Variants in FAM200B observed in about 807,000 individuals in gnomAD.
FAM200B encodes protein FAM200B.
In FAM200B, 32 loss-of-function variants were observed where a neutral mutation model predicts 33.1. That is an observed-to-expected ratio of 0.97 (90% CI 0.73 to 1.30). The LOEUF is 1.30. Ranked by LOEUF, FAM200B falls within the 50% of genes most tolerant of loss-of-function variation. The pLI is 0.00. For synonymous variants in FAM200B, 240 were observed against 264.8 expected, an observed-to-expected ratio of 0.91 and a Z score of 0.91; for missense variants, 741 against 754.0, an observed-to-expected ratio of 0.98 and a Z score of 0.20.
At chr4:15,685,544 T>C (rs1718756799) in intron 1 of FAM200B, among the ~76,000 whole-genome samples, 1 of 152,028 alleles carries the variant, frequency 6.6e-6, no homozygotes, top group Admixed American at 6.6e-5. Context: ...GATGTCTGTG[T>C]TGGGAGTTGG....
chr4:15,644,888 T>C, the FAM200B span, among the ~76,000 whole-genome samples: 1 of 152,222 alleles, frequency 6.6e-6, no homozygotes, highest in South Asian at 2.1e-4. Flanking sequence ...AAAAGTGCAC[T>C]AGGCCAGGAA....
chr4:15,656,013 C>G, the FAM200B span, among the ~76,000 whole-genome samples: 16,920 of 152,206 alleles, frequency 0.11, 986 homozygotes, highest in Non-Finnish European at 0.13. Context: ...AGAGAGTTCT[C>G]GTGAAATTCG....
chr4:15,679,061 CTATTT>C (rs1403858424), upstream of FAM200B, among the ~76,000 whole-genome samples: 194 of 142,292 alleles, frequency 1.4e-3, no homozygotes, highest in African/African-American at 4.7e-3. Context: ...ACTAAAATCT[CTATTT>C]TTTTTTTTTT....
At chr4:15,650,312 T>C in the FAM200B span, among the ~76,000 whole-genome samples, 2 of 152,238 alleles carry the variant, frequency 1.3e-5, no homozygotes, top group African/African-American at 4.8e-5. Flanking sequence ...GTATGAAATA[T>C]AGTGCAATCC....
At chr4:15,662,566 G>A in the FAM200B span, among the ~76,000 whole-genome samples, 15 of 152,124 alleles carry the variant, frequency 9.9e-5, no homozygotes, top group Non-Finnish European at 1.8e-4. Context: ...CCTTGAAAAG[G>A]TCAAGCTTAG....
At chr4:15,655,300 A>AGCCTCC in the FAM200B span, 12 of 1,395,000 alleles carry the variant, frequency 8.6e-6, no homozygotes, top group East Asian at 2.0e-4. Flanking sequence ...CCACTGCCTC[A>AGCCTCC]GCCTCCGCCT....
the FAM200B span, among the ~76,000 whole-genome samples, chr4:15,649,298 G>A: frequency 3.3e-5 from 5 of 151,986 alleles, no homozygotes; most frequent in Non-Finnish European, 7.4e-5. Context: ...GAATAACCAG[G>A]GCCGGGCACA....
the FAM200B span, among the ~76,000 whole-genome samples, chr4:15,657,978 A>C: frequency 6.6e-6 from 1 of 152,198 alleles, no homozygotes; most frequent in African/African-American, 2.4e-5. Context: ...GAGCAGTGAA[A>C]ACCCACATTG....
the FAM200B span, among the ~76,000 whole-genome samples, chr4:15,666,303 G>A: frequency 2.6e-5 from 4 of 152,136 alleles, no homozygotes; most frequent in Non-Finnish European, 5.9e-5. Flanking sequence ...GGAGGCTGAG[G>A]TGGGAAGATT....
chr4:15,655,132 C>A, the FAM200B span: 1 of 1,219,448 alleles, frequency 8.2e-7, no homozygotes, highest in Non-Finnish European at 1.1e-6. Flanking sequence ...CAGGCCAGGC[C>A]GCCCCAAGAA....
At chr4:15,673,931 G>A in the FAM200B span, among the ~76,000 whole-genome samples, 2 of 152,192 alleles carry the variant, frequency 1.3e-5, no homozygotes, top group Non-Finnish European at 2.9e-5. Context: ...ATTGATCAAG[G>A]TTCACTGTCC....
chr4:15,660,712 AC>A, the FAM200B span, among the ~76,000 whole-genome samples: 1 of 152,224 alleles, frequency 6.6e-6, no homozygotes, highest in African/African-American at 2.4e-5. Flanking sequence ...TTAATCTACA[AC>A]ATGTGTAAAA....
At chr4:15,664,583 G>C in the FAM200B span, among the ~76,000 whole-genome samples, 1 of 109,660 alleles carries the variant, frequency 9.1e-6, no homozygotes, top group Non-Finnish European at 1.8e-5. Flanking sequence ...TTGAGACGGA[G>C]TTTCACTCTT....
chr4:15,658,605 T>G, the FAM200B span, among the ~76,000 whole-genome samples: 1 of 152,196 alleles, frequency 6.6e-6, no homozygotes, highest in African/African-American at 2.4e-5. Context: ...GCCTTGGGAC[T>G]CTGCAGAGTC....
chr4:15,668,549 T>C, the FAM200B span, among the ~76,000 whole-genome samples: 1 of 152,088 alleles, frequency 6.6e-6, no homozygotes. Flanking sequence ...GCCAACATCG[T>C]ACAAGTCACA....
At chr4:15,678,411 T>C (rs1718070785), upstream of FAM200B, among the ~76,000 whole-genome samples, 1 of 152,216 alleles carries the variant, frequency 6.6e-6, no homozygotes. Flanking sequence ...TGAAAACTTA[T>C]TCCCAAGTGG....
upstream of FAM200B, among the ~76,000 whole-genome samples, chr4:15,677,976 G>T (rs1205480394): frequency 6.6e-6 from 1 of 152,144 alleles, no homozygotes; most frequent in East Asian, 1.9e-4. Context: ...AATTAGTAAC[G>T]AAATTGAATT....
the FAM200B span, among the ~76,000 whole-genome samples, chr4:15,651,149 CTT>C: frequency 1.3e-5 from 2 of 152,244 alleles, no homozygotes; most frequent in South Asian, 2.1e-4. Context: ...TCAAGGGAGA[CTT>C]ATACTCAGTG....
chr4:15,641,525 TTACTG>T, the FAM200B span: 1 of 414,264 alleles, frequency 2.4e-6, no homozygotes, highest in Non-Finnish European at 4.7e-6. Context: ...CTAGCTTACC[TTACTG>T]TAAGAATCCA....
Sources: allele counts gnomAD v4.1 joint callset (sites outside exome capture counted in the v4.1 genomes callset), GRCh38; gene constraint gnomAD v4.1.1; transcripts MANE v1.5; gene names NCBI Gene and HGNC (gene_info 2026-07-23, HGNC 2026-07-21).